STAU2: variants seen among roughly 807,000 people sequenced by gnomAD.
The protein encoded by STAU2 is staufen double-stranded RNA binding protein 2, also known as double-stranded RNA-binding protein Staufen homolog 2.
A neutral mutation model predicts 65.9 loss-of-function variants in STAU2; 20 were observed. That is an observed-to-expected ratio of 0.30 (90% CI 0.21 to 0.44). The LOEUF is 0.44. Ranked by LOEUF, STAU2 falls within the 20% of genes least tolerant of loss-of-function variation. STAU2 has a pLI of 1.00. For missense variants in STAU2, 558 were observed against 683.9 expected (o/e 0.82, Z 2.05); for synonymous variants, 232 against 233.9 (o/e 0.99, Z 0.07).
At chr8:73,480,040 C>A (rs1346125555) in intron 13 of STAU2, among the ~76,000 whole-genome samples, 1 of 151,936 alleles carries the variant, frequency 6.6e-6, no homozygotes, top group East Asian at 1.9e-4. Flanking sequence ...AACACAGAAC[C>A]AAAATCTCAT....
Position 73,499,841 on chromosome 8 carries a change from T to C in STAU2, c.1530+52171A>G, listed in dbSNP as rs375608058. On this transcript the variant is annotated intron_variant, in intron 13 of 14. Coordinates refer to ENST00000524300, the MANE Select transcript of STAU2 (RefSeq NM_001164380.2). The stretch of plus-strand genomic sequence containing the variant: ...GAGAAAACAAGTCCCAGGAGTAAGA[T>C]ATCCTTGCATATGGGCTCTAGACCA... Among the ~76,000 whole-genome samples, 107 of 151,984 alleles carry C rather than the reference T, an allele frequency of 7.0e-4. 1 individual carries two copies. In the South Asian group the frequency reaches 0.021, roughly 30 times the overall value.
intron 5 of STAU2, among the ~76,000 whole-genome samples, chr8:73,680,383 G>C (rs1028433645): frequency 6.6e-5 from 10 of 152,230 alleles, no homozygotes; most frequent in Admixed American, 6.5e-4. Context: ...CATCGCTGCA[G>C]TTCAGCTCTC....
At chr8:73,741,167 T>C (rs1806838120) in intron 1 of STAU2, among the ~76,000 whole-genome samples, 1 of 149,702 alleles carries the variant, frequency 6.7e-6, no homozygotes, top group African/African-American at 2.5e-5. Context: ...TAGCCGGGCG[T>C]GGTGGCGGGC....
chr8:73,455,611 T>A (rs1819020722), intron 13 of STAU2, among the ~76,000 whole-genome samples: 1 of 152,184 alleles, frequency 6.6e-6, no homozygotes, highest in Non-Finnish European at 1.5e-5. Flanking sequence ...TCTGTGCCTC[T>A]GCTGAGGTTA....
chr8:73,508,631 A>G (rs2128923160), intron 13 of STAU2, among the ~76,000 whole-genome samples: 1 of 152,366 alleles, frequency 6.6e-6, no homozygotes, highest in East Asian at 1.9e-4. Context: ...GACGCTCGAC[A>G]TAGGGTTGTC....
intron 6 of STAU2, among the ~76,000 whole-genome samples, chr8:73,664,076 T>C (rs1020446263): frequency 6.6e-6 from 1 of 152,042 alleles, no homozygotes; most frequent in African/African-American, 2.4e-5. Context: ...TTTTTTGAGG[T>C]GGGGTCTCAC....
At chr8:73,515,104 C>G (rs1822631914) in intron 13 of STAU2, among the ~76,000 whole-genome samples, 2 of 151,844 alleles carry the variant, frequency 1.3e-5, no homozygotes, top group South Asian at 4.2e-4. Flanking sequence ...CTGAAAGCAG[C>G]AGTAGTATTA....
chr8:73,563,729 G>A (rs1004866415), intron 12 of STAU2, among the ~76,000 whole-genome samples: 1 of 152,010 alleles, frequency 6.6e-6, no homozygotes, highest in Non-Finnish European at 1.5e-5. Context: ...GCCCAGGCTG[G>A]TCTTAAGCTC....
intron 13 of STAU2, among the ~76,000 whole-genome samples, chr8:73,432,317 G>A (rs1390927753): frequency 6.6e-6 from 1 of 152,166 alleles, no homozygotes; most frequent in Non-Finnish European, 1.5e-5. Context: ...GGAAATGAGA[G>A]GTTTTGAATG....
chr8:73,707,134 A>G (rs1820562520), intron 4 of STAU2, among the ~76,000 whole-genome samples: 1 of 152,222 alleles, frequency 6.6e-6, no homozygotes, highest in Non-Finnish European at 1.5e-5. Context: ...CCAGGACACA[A>G]TGGAGGAGCT....
At chr8:73,710,421 T>C (rs1820811780) in intron 3 of STAU2, among the ~76,000 whole-genome samples, 1 of 151,268 alleles carries the variant, frequency 6.6e-6, no homozygotes, top group Non-Finnish European at 1.5e-5. Context: ...TTTCCTTTTA[T>C]GGTCTGTGCT....
intron 13 of STAU2, among the ~76,000 whole-genome samples, chr8:73,524,243 G>A (rs547056126): frequency 7.9e-5 from 12 of 152,210 alleles, no homozygotes; most frequent in East Asian, 3.9e-4. Flanking sequence ...AGCATGTGAC[G>A]GGGACTAGGG....
At chr8:73,631,276 C>T (rs1814071980) in intron 6 of STAU2, among the ~76,000 whole-genome samples, 1 of 151,768 alleles carries the variant, frequency 6.6e-6, no homozygotes, top group African/African-American at 2.4e-5. Context: ...ATTGCTTGAG[C>T]CCAGGAATTC....
At chr8:73,706,806 C>A (rs751971973) in intron 4 of STAU2, among the ~76,000 whole-genome samples, 14 of 152,126 alleles carry the variant, frequency 9.2e-5, no homozygotes, top group Non-Finnish European at 1.8e-4. Flanking sequence ...AGAAGAGACC[C>A]ACTGTCATCT....
chr8:73,481,009 A>G (rs1006638039), intron 13 of STAU2, among the ~76,000 whole-genome samples: 3 of 152,176 alleles, frequency 2.0e-5, no homozygotes, highest in Admixed American at 2.0e-4. Context: ...TAACACATAT[A>G]AAAGAATACA....
intron 6 of STAU2, among the ~76,000 whole-genome samples, chr8:73,640,658 T>A (rs1185135439): frequency 6.6e-6 from 1 of 152,198 alleles, no homozygotes; most frequent in Non-Finnish European, 1.5e-5. Flanking sequence ...AATCTTCTAC[T>A]AATTTTTTCA....
At chr8:73,625,065 A>T (rs1365332951) in intron 6 of STAU2, among the ~76,000 whole-genome samples, 1 of 152,238 alleles carries the variant, frequency 6.6e-6, no homozygotes, top group African/African-American at 2.4e-5. Context: ...TAGTTTAAAA[A>T]AAAAAAGTCA....
chr8:73,688,177 A>ATT (rs746873037), intron 5 of STAU2, among the ~76,000 whole-genome samples: 1 of 130,160 alleles, frequency 7.7e-6, no homozygotes, highest in South Asian at 2.4e-4. Context: ...TCTCACCTTC[A>ATT]TTTTTTTTTT....
intron 13 of STAU2, among the ~76,000 whole-genome samples, chr8:73,520,655 C>G (rs967098782): frequency 2.0e-5 from 3 of 152,108 alleles, no homozygotes; most frequent in Non-Finnish European, 4.4e-5. Context: ...GTTCCTGGTA[C>G]AGATGTCTTT....
Sources: allele counts gnomAD v4.1 joint callset (sites outside exome capture counted in the v4.1 genomes callset), GRCh38; gene constraint gnomAD v4.1.1; transcripts MANE v1.5; gene names NCBI Gene and HGNC (gene_info 2026-07-23, HGNC 2026-07-21).